Variants in GEMIN2 observed in about 807,000 individuals in gnomAD.
The protein encoded by GEMIN2 is gem nuclear organelle associated protein 2.
GEMIN2 carries 37 observed loss-of-function variants against 45.8 expected under a neutral mutation model. The observed-to-expected ratio is 0.81, with a 90% confidence interval of 0.62 to 1.06. The LOEUF (loss-of-function observed/expected upper bound fraction) is 1.06. Among genes scored for constraint, GEMIN2 ranks in the 50% least tolerant of loss-of-function variants. The pLI, the probability that GEMIN2 is intolerant of heterozygous loss-of-function variation, is 0.00. For missense variants in GEMIN2, 335 were observed against 321.8 expected (o/e 1.04, Z -0.31); for synonymous variants, 101 against 111.5 (o/e 0.91, Z 0.60).
chr14:39,120,264 C>G (rs1432183233), intron 4 of GEMIN2, among the ~76,000 whole-genome samples: 1 of 152,162 alleles, frequency 6.6e-6, no homozygotes, highest in African/African-American at 2.4e-5. Context: ...CTGAGCCAGG[C>G]ACAGTGGCTC....
At chr14:39,130,659 C>T (rs1254109872) in intron 7 of GEMIN2, among the ~76,000 whole-genome samples, 3 of 151,968 alleles carry the variant, frequency 2.0e-5, no homozygotes, top group Admixed American at 6.6e-5. Flanking sequence ...TTAGGGAGGC[C>T]GAGGTGGGCG....
At chr14:39,133,030 ATATATATATCTT>A (rs1284951248) in intron 8 of GEMIN2, among the ~76,000 whole-genome samples, 14 of 142,230 alleles carry the variant, frequency 9.8e-5, no homozygotes, top group Middle Eastern at 3.7e-3. Context: ...GTGTGTGTAT[ATATATATATCTT>A]TATATATATA....
At chr14:39,131,781 C>G (rs965747970) in intron 7 of GEMIN2, 177 bp from the exon 8 acceptor site, 1 of 524,050 alleles carries the variant, frequency 1.9e-6, no homozygotes, top group Non-Finnish European at 3.4e-6. Flanking sequence ...TTATAGGATA[C>G]AAGAGATAAC....
chr14:39,135,479 G>C (rs891034502), intron 9 of GEMIN2, among the ~76,000 whole-genome samples: 1 of 152,084 alleles, frequency 6.6e-6, no homozygotes, highest in African/African-American at 2.4e-5. Context: ...CCAGCTACTC[G>C]GGATGGTGAG....
intron 8 of GEMIN2, among the ~76,000 whole-genome samples, chr14:39,132,545 T>TA (rs1309446131): frequency 6.6e-5 from 10 of 151,652 alleles, no homozygotes; most frequent in Non-Finnish European, 1.3e-4. Context: ...AAGAAGTAGG[T>TA]AAAAAAATTA....
rs555325208 is a variant in GEMIN2 at position 39,122,555 on chromosome 14, G to A, written c.486+12G>A. The A allele has an allele frequency of 1.5e-6, 2 of 1,293,220 alleles. No homozygotes were observed. The highest frequency in any genetic ancestry group is 4.7e-5 in the East Asian group (2 of 42,878). 80.1% of individuals were successfully genotyped at this position (1,293,220 alleles called of 1,614,324 possible). On this transcript the variant is annotated intron_variant, in intron 5 of 9. Transcript: ENST00000308317. ...TAGATTATGTACAAGTAAGGGCTGT[G>A]TGGATAAACAGAACAAAAAGCATTT...
At chr14:39,127,398 A>G (rs1230037045) in intron 6 of GEMIN2, among the ~76,000 whole-genome samples, 2 of 126,964 alleles carry the variant, frequency 1.6e-5, no homozygotes, top group Non-Finnish European at 3.1e-5. Flanking sequence ...GCTGGAGTGC[A>G]GTGGCAAAAT....
At chr14:39,125,291 G>C (rs78468678) in intron 6 of GEMIN2, among the ~76,000 whole-genome samples, 2,282 of 152,288 alleles carry the variant, frequency 0.015, 59 homozygotes, top group African/African-American at 0.051. Flanking sequence ...GCAGTACTGA[G>C]ATTCAGTGCC....
chr14:39,125,148 G>A, intron 6 of GEMIN2, 112 bp downstream of exon 6: 1 of 625,298 alleles, frequency 1.6e-6, no homozygotes, highest in Non-Finnish European at 2.9e-6. Flanking sequence ...TTTGTCCTAA[G>A]CTCTTTAATG....
At chr14:39,129,692 C>T (rs1594518557) in intron 7 of GEMIN2, among the ~76,000 whole-genome samples, 1 of 151,900 alleles carries the variant, frequency 6.6e-6, no homozygotes, top group South Asian at 2.1e-4. Context: ...GAATTACAGG[C>T]GTGAGCCACT....
Position 39,133,694 on chromosome 14 carries a change from A to C in GEMIN2, c.745A>C (p.Asn249His). 6.5e-7 allele frequency: 1 copy of C among 1,539,398 alleles called. No individual in the cohort carries two copies. Among genetic ancestry groups the C allele is most frequent in the East Asian group, 2.3e-5 (1 of 42,634 alleles). The change falls in exon 9 of 10, where the codon AAT becomes CAT. Residue 249 changes from asparagine to histidine, a missense_variant. Transcript: ENST00000308317. ...SKDDERVPAL[N>H]LLICLVSRYF... ...AGATGATGAGAGGGTTCCTGCTTTG[A>C]ATTTATTAATCTGCTTGGTTAGCAG...
rs755929314 is a variant in GEMIN2, at chr14:39,114,325, C to G, written c.-14C>G. On this transcript the variant is annotated 5_prime_UTR_variant, in exon 1 of 10. Coordinates refer to ENST00000308317, the MANE Select transcript of GEMIN2 (RefSeq NM_003616.3). ...GGGCGCATGCGCCGAGCGGAACTGG[C>G]TGGTTTGAAAACCATGGCGTGGGTA... 2 of 1,613,680 alleles carry G rather than the reference C, an allele frequency of 1.2e-6. No homozygotes were observed. Among genetic ancestry groups the G allele is most frequent in the Admixed American group, 1.7e-5 (1 of 59,976 alleles).
intron 2 of GEMIN2, among the ~76,000 whole-genome samples, chr14:39,117,708 G>C (rs2052526999): frequency 6.6e-6 from 1 of 152,146 alleles, no homozygotes; most frequent in Non-Finnish European, 1.5e-5. Flanking sequence ...GGTAGGGCTA[G>C]ATCATATTCT....
chr14:39,136,745 A>C lies in GEMIN2; in HGVS notation c.*266A>C. 5.7e-6 allele frequency: 2 copies of C among 350,756 alleles called. No homozygotes were observed. The highest frequency in any genetic ancestry group is 1.0e-5 in the Non-Finnish European group (2 of 195,970). 21.7% of individuals were successfully genotyped at this position (350,756 alleles called of 1,614,324 possible). A position where few individuals can be genotyped will look rare whatever the true frequency, so the allele number is the denominator to read the frequency against. On this transcript the variant is annotated 3_prime_UTR_variant, in exon 10 of 10. Coordinates refer to ENST00000308317, the MANE Select transcript of GEMIN2 (RefSeq NM_003616.3). ...CAGCTTGCATAGAAATTGTATGATGAAATTTTACATAGGTTCTTGGTGCTG... is the reference window on the plus strand; with the variant it reads ...CAGCTTGCATAGAAATTGTATGATGCAATTTTACATAGGTTCTTGGTGCTG...
chr14:39,117,952 G>A, intron 2 of GEMIN2, 47 bp from the exon 3 acceptor site: 1 of 952,104 alleles, frequency 1.1e-6, no homozygotes, highest in Non-Finnish European at 1.7e-6. Flanking sequence ...TGAGATTCTA[G>A]TTTTGACACT....
chr14:39,135,846 A>G (rs1191409702), intron 9 of GEMIN2, among the ~76,000 whole-genome samples: 1 of 152,172 alleles, frequency 6.6e-6, no homozygotes, highest in Non-Finnish European at 1.5e-5. Flanking sequence ...TATCCTCATT[A>G]TCCTCTTTTT....
chr14:39,114,459 TA>T lies in GEMIN2; in HGVS notation c.122del (p.Tyr41SerfsTer2). On this transcript the variant is annotated frameshift_variant, in exon 1 of 10. Coordinates refer to ENST00000308317, the MANE Select transcript of GEMIN2 (RefSeq NM_003616.3). LOFTEE classifies it high-confidence loss of function. Reference protein sequence around the residue: ...PSVPPRTPQEYLRRVQIEAAQ... With the variant: ...PSVPPRTPQEXLRRVQIEAAQ... Reference sequence around the variant, plus strand: ...GGTACCCCCGAGGACGCCTCAGGAATACCTGAGGCGGGTCCAGTGAGTGATT... The same window carrying T: ...GGTACCCCCGAGGACGCCTCAGGAATCCTGAGGCGGGTCCAGTGAGTGATT... 6.2e-7 allele frequency: 1 copy of T among 1,613,122 alleles called. No individual in the cohort carries two copies. The highest frequency in any genetic ancestry group is 8.5e-7 in the Non-Finnish European group (1 of 1,179,228).
At chr14:39,127,497 C>T (rs2052659946) in intron 6 of GEMIN2, among the ~76,000 whole-genome samples, 1 of 151,822 alleles carries the variant, frequency 6.6e-6, no homozygotes, top group Admixed American at 6.6e-5. Flanking sequence ...CACTCACCAC[C>T]ATGCCCGGCT....
chr14:39,120,328 C>T (rs1465712768), intron 4 of GEMIN2, among the ~76,000 whole-genome samples: 1 of 152,142 alleles, frequency 6.6e-6, no homozygotes, highest in East Asian at 1.9e-4. Context: ...CACCTGAGCT[C>T]AGGAGTTCGA....
Sources: allele counts gnomAD v4.1 joint callset (sites outside exome capture counted in the v4.1 genomes callset), GRCh38; gene constraint gnomAD v4.1.1; transcripts MANE v1.5; gene names NCBI Gene and HGNC (gene_info 2026-07-23, HGNC 2026-07-21).